The following GALNT2 variants were observed in gnomAD, a reference collection of about 807,000 sequenced individuals.
The protein encoded by GALNT2 is UDP-GalNAc:polypeptide N-acetylgalactosaminyltransferase 2.
GALNT2 carries 31 observed loss-of-function variants against 81.4 expected under a neutral mutation model. The ratio of observed to expected loss-of-function variants is 0.38; its 90% confidence interval spans 0.29 to 0.51. The LOEUF (loss-of-function observed/expected upper bound fraction) is 0.51. Among genes scored for constraint, GALNT2 ranks in the 20% least tolerant of loss-of-function variants. The pLI, the probability that GALNT2 is intolerant of heterozygous loss-of-function variation, is 0.87. For synonymous variants in GALNT2, 303 were observed against 287.4 expected, an observed-to-expected ratio of 1.05 and a Z score of -0.55; for missense variants, 629 against 765.7, an observed-to-expected ratio of 0.82 and a Z score of 2.11.
At chr1:230,080,318 G>A (rs1659688646) in intron 1 of GALNT2, among the ~76,000 whole-genome samples, 1 of 152,166 alleles carries the variant, frequency 6.6e-6, no homozygotes, top group Non-Finnish European at 1.5e-5. Flanking sequence ...CCTCGGTGGA[G>A]GACTGATGTG....
Position 230,282,117 on chromosome 1 carries a change from T to C in GALNT2, c.*2659T>C, listed in dbSNP as rs998278481. The C allele has an allele frequency of 1.3e-5, 2 of 151,724 alleles. No homozygotes were observed. The highest frequency in any genetic ancestry group is 2.9e-5 in the Non-Finnish European group (2 of 67,912). The allele number at this position is 151,724 out of a possible 1,614,324, so 9.4% of individuals were successfully genotyped here. ...TAACTTAAATAAAGAGAAGATACTT[T>C]CTAGATACCGCTCTTTGCTGGCCAG... is the stretch of plus-strand genomic sequence containing the variant. On this transcript the variant is annotated 3_prime_UTR_variant, in exon 16 of 16. Transcript: ENST00000366672.
At position 230,249,238 on chromosome 1, in the gene GALNT2, G is replaced by A. The variant is rs1413457927; in HGVS notation, c.872G>A (p.Arg291Lys). ...GATTACATGACGCCTGAGCAGAGAA[G>A]GTCCCGGCAGGGGAACCCAGTCGCC... ...KWDYMTPEQR[R>K]SRQGNPVAPI... Residue 291 changes from arginine to lysine, a missense_variant, in exon 9 of 16, where the codon AGG becomes AAG. Physicochemically the swap from Arg to Lys is conservative, Grantham distance 26. This residue lies in a region of GALNT2 where 360 missense variants were observed against 492.8 expected (regional missense o/e 0.73). Transcript: ENST00000366672. 3 of 1,614,158 alleles carry A rather than the reference G, an allele frequency of 1.9e-6. No homozygotes were observed. In the South Asian group the frequency reaches 3.3e-5, roughly 18 times the overall value.
intron 11 of GALNT2, chr1:230,258,960 A>AGC (rs1665798144): frequency 6.6e-6 from 1 of 152,174 alleles, no homozygotes; most frequent in Admixed American, 6.5e-5. Flanking sequence ...ACAGCCCAGG[A>AGC]GCCTGTATTC....
rs951296841 is a variant in GALNT2 at position 230,127,595 on chromosome 1, C to T, written c.127-50623C>T. 2.6e-5 allele frequency among the ~76,000 whole-genome samples: 4 copies of T among 151,878 alleles called. No individual in the cohort carries two copies. The South Asian group carries it at 8.3e-4, about 32-fold the overall frequency. ...TTCACCATGTTAGCCAGGATGGTTT[C>T]GATCTCTTGACCTCGTGATCCACCC... is the stretch of plus-strand genomic sequence containing the variant. On this transcript the variant is annotated intron_variant, in intron 1 of 15. Coordinates refer to ENST00000366672, the MANE Select transcript of GALNT2 (RefSeq NM_004481.5).
chr1:230,245,513 G>A (rs1037514125), intron 7 of GALNT2, among the ~76,000 whole-genome samples: 1 of 152,078 alleles, frequency 6.6e-6, no homozygotes, highest in Non-Finnish European at 1.5e-5. Flanking sequence ...TACAGATGAG[G>A]CAAACGTAGA....
rs1266336004 is a variant in GALNT2, at chr1:230,243,592, T to C, written c.729+165T>C. On this transcript the variant is annotated intron_variant, in intron 7 of 15. Coordinates refer to ENST00000366672, the MANE Select transcript of GALNT2 (RefSeq NM_004481.5). The surrounding 1 kb of genome is among the most constrained non-coding windows in gnomAD (Gnocchi z 4.2). ...TTCCTTGATAGAAGGAAAATGCCTT[T>C]GGGGCATTGTAGAAAGACTGTTTTA... is the stretch of plus-strand genomic sequence containing the variant. Among the ~76,000 whole-genome samples the C allele has an allele frequency of 1.3e-5, 2 of 152,190 alleles. No individual in the cohort carries two copies. The highest frequency in any genetic ancestry group is 6.5e-5 in the Admixed American group (1 of 15,278).
At chr1:230,066,912 C>T (rs911945235), upstream of GALNT2, among the ~76,000 whole-genome samples, 6 of 148,818 alleles carry the variant, frequency 4.0e-5, no homozygotes, top group South Asian at 2.2e-4. Flanking sequence ...CGGCCGGGGG[C>T]GGGGCGGCGC....
intron 2 of GALNT2, among the ~76,000 whole-genome samples, chr1:230,186,239 C>A (rs191715157): frequency 6.6e-6 from 1 of 152,258 alleles, no homozygotes; most frequent in Non-Finnish European, 1.5e-5. Context: ...CAAGCGTCAC[C>A]CCAGGGAGTC....
At chr1:230,057,999 C>G in exon 1 of GALNT2, 1 of 456,122 alleles carries the variant, frequency 2.2e-6, no homozygotes, top group South Asian at 1.5e-5. Context: ...AGAGTGTACA[C>G]GAACGAAAAG....
Position 230,279,371 on chromosome 1 carries a change from C to T in GALNT2, c.1629C>T (p.Arg543=). Reference sequence around the variant, plus strand: ...GCAGCAACCTGTGCCTGGACAGTCGCACGGCCAAGAGCGGGGGCCTAAGCG... The same window carrying T: ...GCAGCAACCTGTGCCTGGACAGTCGTACGGCCAAGAGCGGGGGCCTAAGCG... The part of the protein sequence containing the change: ...HVGSNLCLDS[R]TAKSGGLSVE... Residue 543 remains arginine (R), a synonymous_variant, in exon 16 of 16, where the codon CGC becomes CGT. Transcript: ENST00000366672. The surrounding 1 kb of genome is among the most constrained non-coding windows in gnomAD (Gnocchi z 4.6). 6.2e-7 allele frequency: 1 copy of T among 1,614,164 alleles called. No homozygotes were observed. The highest frequency in any genetic ancestry group is 8.5e-7 in the Non-Finnish European group (1 of 1,180,026).
At chr1:230,209,936 C>T (rs1325935687) in intron 3 of GALNT2, among the ~76,000 whole-genome samples, 4 of 152,208 alleles carry the variant, frequency 2.6e-5, no homozygotes, top group African/African-American at 9.7e-5. Flanking sequence ...GTGGGAGGAC[C>T]GGCCAGCCAG....
chr1:230,154,572 T>A (rs1353901523), intron 1 of GALNT2, among the ~76,000 whole-genome samples: 1 of 152,130 alleles, frequency 6.6e-6, no homozygotes, highest in East Asian at 1.9e-4. Context: ...ATAGATATAA[T>A]CAAATTAAAA....
chr1:230,216,835 A>T (rs1664404441), intron 3 of GALNT2, among the ~76,000 whole-genome samples: 1 of 152,210 alleles, frequency 6.6e-6, no homozygotes, highest in Admixed American at 6.5e-5. Flanking sequence ...CGACTATCTT[A>T]ACTATATTGA....
chr1:230,230,721 A>G (rs913785234), intron 3 of GALNT2, among the ~76,000 whole-genome samples: 7 of 152,222 alleles, frequency 4.6e-5, no homozygotes, highest in Non-Finnish European at 1.0e-4. Flanking sequence ...CCGTGATAGA[A>G]TCCTGTCTTT....
At chr1:230,169,334 A>C (rs897082550) in intron 1 of GALNT2, among the ~76,000 whole-genome samples, 1 of 152,138 alleles carries the variant, frequency 6.6e-6, no homozygotes, top group African/African-American at 2.4e-5. Flanking sequence ...TTACATTTTC[A>C]TGTTATATCT....
chr1:230,211,519 G>A (rs1664233916), intron 3 of GALNT2, among the ~76,000 whole-genome samples: 1 of 152,148 alleles, frequency 6.6e-6, no homozygotes, highest in Admixed American at 6.5e-5. Flanking sequence ...TTAAGGCTGG[G>A]CACAGTGGCT....
intron 8 of GALNT2, among the ~76,000 whole-genome samples, chr1:230,246,376 T>C (rs1665371371): frequency 6.6e-6 from 1 of 152,244 alleles, no homozygotes; most frequent in Non-Finnish European, 1.5e-5. Context: ...CTCCTCTTCC[T>C]TGACCTTCTG....
At chr1:230,075,984 A>G (rs1659542249) in intron 1 of GALNT2, among the ~76,000 whole-genome samples, 1 of 152,116 alleles carries the variant, frequency 6.6e-6, no homozygotes, top group Admixed American at 6.5e-5. Context: ...CAAATGAGCC[A>G]GTTTTCTTTC....
intron 2 of GALNT2, among the ~76,000 whole-genome samples, chr1:230,185,139 C>T (rs377581414): frequency 2.6e-5 from 4 of 152,094 alleles, no homozygotes; most frequent in African/African-American, 9.7e-5. Context: ...TTGTGTGTTA[C>T]CTACTTTTTC....
Sources: allele counts gnomAD v4.1 joint callset (sites outside exome capture counted in the v4.1 genomes callset), GRCh38; gene constraint gnomAD v4.1.1; regional missense constraint gnomAD v4.1.1; non-coding constraint Gnocchi (gnomAD v3.1); transcripts MANE v1.5; gene names NCBI Gene and HGNC (gene_info 2026-07-23, HGNC 2026-07-21).